The following SLC28A3 variants were observed in gnomAD, a reference collection of about 807,000 sequenced individuals.
SLC28A3 encodes the protein concentrative Na(+)-nucleoside cotransporter 3.
In SLC28A3, 68 loss-of-function variants were observed where a neutral mutation model predicts 84.2. That is an observed-to-expected ratio of 0.81 (90% CI 0.66 to 0.99). SLC28A3 has a LOEUF of 0.99. Ranked by LOEUF, SLC28A3 falls within the 50% of genes least tolerant of loss-of-function variation. The pLI is 0.00. For synonymous variants in SLC28A3, 267 were observed against 303.6 expected (o/e 0.88, Z 1.25); for missense variants, 712 against 841.5 (o/e 0.85, Z 1.90).
chr9:84,311,781 G>C (rs936137530), intron 2 of SLC28A3, among the ~76,000 whole-genome samples: 1 of 152,142 alleles, frequency 6.6e-6, no homozygotes. Flanking sequence ...ACCTGAACCC[G>C]GGAGGTGGAG....
rs1355808458 is a variant in SLC28A3, at chr9:84,311,802, G to C, written c.156+1557C>G. 2.6e-5 allele frequency among the ~76,000 whole-genome samples: 4 copies of C among 152,336 alleles called. No homozygotes were observed. The East Asian group carries it at 7.7e-4, about 29-fold the overall frequency. ...ACCCGGGAGGTGGAGACTGCAGTGAGCTGAGATTGTGCCACTGCACTCCAG... is the reference window on the plus strand; with the variant it reads ...ACCCGGGAGGTGGAGACTGCAGTGACCTGAGATTGTGCCACTGCACTCCAG... On this transcript the variant is annotated intron_variant, in intron 2 of 17. Transcript: ENST00000376238.
chr9:84,289,715 C>G (rs1483641273), intron 11 of SLC28A3, among the ~76,000 whole-genome samples: 1 of 152,238 alleles, frequency 6.6e-6, no homozygotes, highest in Non-Finnish European at 1.5e-5. Flanking sequence ...AACGACTCAA[C>G]TCTGTAGCAT....
At chr9:84,320,048 T>TTTTG (rs1826316781) in intron 1 of SLC28A3, among the ~76,000 whole-genome samples, 2 of 129,742 alleles carry the variant, frequency 1.5e-5, no homozygotes, top group Admixed American at 7.5e-5. Context: ...CTGTTTTTTT[T>TTTTG]TTTTTTTTTT....
At chr9:84,281,825 C>T (rs752439737) in intron 14 of SLC28A3, among the ~76,000 whole-genome samples, 10 of 152,194 alleles carry the variant, frequency 6.6e-5, no homozygotes, top group Non-Finnish European at 8.8e-5. Flanking sequence ...TAAGTGAGCA[C>T]ATGTATATGA....
Position 84,309,639 on chromosome 9 carries a change from G to C in SLC28A3, c.232C>G (p.Gln78Glu). 1.2e-6 allele frequency: 2 copies of C among 1,608,506 alleles called. No individual in the cohort carries two copies. The highest frequency in any genetic ancestry group is 2.2e-5 in the East Asian group (1 of 44,758). The change falls in exon 3 of 18, where the codon CAA becomes GAA. Residue 78 changes from glutamine to glutamate, a missense_variant. By Grantham distance (29) the Gln-to-Glu change is conservative (BLOSUM62 2). Coordinates refer to ENST00000376238, the MANE Select transcript of SLC28A3 (RefSeq NM_001199633.2). ...TTTTAAAGACTGTACCCTTTTTGTT[G>C]CATCTCCTCATCATCATCCTCCATG... ...EHMEDDDEEM[Q>E]QKGCLERRYD...
upstream of SLC28A3, among the ~76,000 whole-genome samples, chr9:84,342,850 A>G (rs1046950976): frequency 1.3e-5 from 2 of 152,208 alleles, no homozygotes; most frequent in African/African-American, 2.4e-5. Context: ...GCAGCCAGTC[A>G]GGAACAAAAT....
intron 1 of SLC28A3, among the ~76,000 whole-genome samples, chr9:84,329,911 TATGA>T (rs141606121): frequency 0.02 from 3,084 of 152,162 alleles, 112 homozygotes; most frequent in African/African-American, 0.071. Context: ...TACGAAAATT[TATGA>T]ATATCGCTAA....
intron 1 of SLC28A3, among the ~76,000 whole-genome samples, chr9:84,337,903 C>T (rs1212981225): frequency 6.6e-6 from 1 of 152,188 alleles, no homozygotes; most frequent in Non-Finnish European, 1.5e-5. Flanking sequence ...TCATTTCTCT[C>T]TTATAACCCA....
chr9:84,300,624 C>T (rs1041087758), intron 5 of SLC28A3, among the ~76,000 whole-genome samples: 2 of 152,148 alleles, frequency 1.3e-5, no homozygotes, highest in Non-Finnish European at 2.9e-5. Context: ...TGGTAGATCC[C>T]ACGTTAGTCT....
chr9:84,301,376 A>G (rs1453498191), intron 5 of SLC28A3, among the ~76,000 whole-genome samples: 1 of 148,816 alleles, frequency 6.7e-6, no homozygotes. Flanking sequence ...AAAAAAAAAG[A>G]AAAGGCTGTA....
upstream of SLC28A3, among the ~76,000 whole-genome samples, chr9:84,341,065 C>A (rs1827147367): frequency 6.6e-6 from 1 of 151,576 alleles, no homozygotes; most frequent in Non-Finnish European, 1.5e-5. Flanking sequence ...CCTCTGCCTC[C>A]CAGGTTCAAG....
At chr9:84,364,232 C>T in the SLC28A3 span, among the ~76,000 whole-genome samples, 5 of 147,930 alleles carry the variant, frequency 3.4e-5, no homozygotes, top group Non-Finnish European at 7.4e-5. Flanking sequence ...TCAAGCAATT[C>T]TCCTGCCTCA....
In SLC28A3 at chr9:84,277,612, A is replaced by AACTG. The variant is rs1243264845; in HGVS notation, c.*602_*605dup. ...GTTTCTGTAGCGTAATTTATGGTTA[A>AACTG]ACTGACTGATAGAACTCTTAAGCAG... On this transcript the variant is annotated 3_prime_UTR_variant, in exon 18 of 18. Transcript: ENST00000376238. The AACTG allele has an allele frequency of 6.6e-6, 1 of 152,278 alleles. No individual in the cohort carries two copies. Among genetic ancestry groups the AACTG allele is most frequent in the Non-Finnish European group, 1.5e-5 (1 of 68,068 alleles). The allele number at this position is 152,278 out of a possible 1,614,324, so 9.4% of individuals were successfully genotyped here.
intron 4 of SLC28A3, among the ~76,000 whole-genome samples, chr9:84,303,610 G>A (rs1166304673): frequency 2.0e-5 from 3 of 152,290 alleles, no homozygotes; most frequent in South Asian, 2.1e-4. Flanking sequence ...ATTAGCCACC[G>A]TGCCCTGCCT....
At chr9:84,358,362 C>T in the SLC28A3 span, among the ~76,000 whole-genome samples, 2 of 152,118 alleles carry the variant, frequency 1.3e-5, no homozygotes, top group African/African-American at 4.8e-5. Flanking sequence ...TAACACCCTC[C>T]CCCAACAACC....
chr9:84,290,337 G>A (rs1825165330), intron 10 of SLC28A3, 58 bp from the exon 11 acceptor site: 4 of 1,589,522 alleles, frequency 2.5e-6, no homozygotes, highest in Non-Finnish European at 3.4e-6. Flanking sequence ...GGCAGGGGAA[G>A]GCATGCCAAT....
Position 84,278,267 on chromosome 9 carries a change from A to G in SLC28A3, c.2027T>C (p.Leu676Ser). 1.2e-6 allele frequency: 2 copies of G among 1,614,118 alleles called. No homozygotes were observed. Among genetic ancestry groups the G allele is most frequent in the South Asian group, 2.2e-5 (2 of 91,072 alleles). The change falls in exon 18 of 18, where the codon TTG (leucine) becomes TCG (serine). Residue 676 changes from leucine (L) to serine (S), a missense_variant. Physicochemically the swap from Leu to Ser is moderately radical, Grantham distance 145. Transcript: ENST00000376238. Reference protein sequence around the residue: ...SLYSLKGCCTLLNPSTFNCNG... With the variant: ...SLYSLKGCCTSLNPSTFNCNG... ...GCAGTTAAAGGTCGATGGATTCAAC[A>G]ATGTGCAGCAGCCCTTCAAAGAATA...
chr9:84,319,566 C>T (rs1374416234), intron 1 of SLC28A3, among the ~76,000 whole-genome samples: 1 of 152,144 alleles, frequency 6.6e-6, no homozygotes, highest in Non-Finnish European at 1.5e-5. Flanking sequence ...TTGTCCACTC[C>T]AAGATACCAT....
At chr9:84,289,086 T>C in intron 11 of SLC28A3, among the ~76,000 whole-genome samples, 1 of 152,158 alleles carries the variant, frequency 6.6e-6, no homozygotes, top group Non-Finnish European at 1.5e-5. Flanking sequence ...GGTTTCTGGA[T>C]TCTCTTCCAC....
Sources: gnomAD v4.1 joint callset for allele counts (sites outside exome capture counted in the v4.1 genomes callset) on GRCh38, gnomAD v4.1.1 for gene constraint, MANE v1.5 for transcripts, NCBI Gene and HGNC (gene_info 2026-07-23, HGNC 2026-07-21) for gene names.